The following RBFOX3 variants were observed in gnomAD, a reference collection of about 807,000 sequenced individuals.
The protein encoded by RBFOX3 is RNA binding fox-1 homolog 3.
RBFOX3 carries 17 observed loss-of-function variants against 48.7 expected under a neutral mutation model. The observed-to-expected ratio is 0.35, with a 90% CI of 0.24 to 0.52. RBFOX3 has a LOEUF of 0.52. Among genes scored for constraint, RBFOX3 ranks in the 20% least tolerant of loss-of-function variants. The probability of loss-of-function intolerance (pLI) is 0.94; values close to 1 mark genes in which losing one functional copy is unlikely to be tolerated. For missense variants in RBFOX3, 382 were observed against 497.5 expected, an observed-to-expected ratio of 0.77 and a Z score of 2.21; for synonymous variants, 212 against 209.5, an observed-to-expected ratio of 1.01 and a Z score of -0.10.
intron 4 of RBFOX3, among the ~76,000 whole-genome samples, chr17:79,179,808 T>C (rs947629887): frequency 6.6e-6 from 1 of 152,140 alleles, no homozygotes; most frequent in African/African-American, 2.4e-5. Flanking sequence ...CCCTGAAAGG[T>C]GACCAGTATC....
At chr17:79,160,289 G>A (rs1366341244) in intron 4 of RBFOX3, among the ~76,000 whole-genome samples, 1 of 152,248 alleles carries the variant, frequency 6.6e-6, no homozygotes, top group African/African-American at 2.4e-5. Context: ...GCACCCAAGG[G>A]GTGGACCTGG....
chr17:79,501,464 G>A (rs2149734776), intron 1 of RBFOX3, among the ~76,000 whole-genome samples: 1 of 152,352 alleles, frequency 6.6e-6, no homozygotes, highest in South Asian at 2.1e-4. Context: ...AGTCACTGGG[G>A]TTGGTGGGGG....
At chr17:79,353,663 C>T (rs1179682432) in intron 2 of RBFOX3, among the ~76,000 whole-genome samples, 1 of 152,210 alleles carries the variant, frequency 6.6e-6, no homozygotes, top group East Asian at 1.9e-4. Flanking sequence ...CGTGGCCTCT[C>T]CAGAAAGCTG....
upstream of RBFOX3, among the ~76,000 whole-genome samples, chr17:79,612,476 C>G (rs1488928379): frequency 6.6e-6 from 1 of 152,060 alleles, no homozygotes; most frequent in Non-Finnish European, 1.5e-5. Flanking sequence ...TGCTGGCTGC[C>G]CCCCCTGCAG....
intron 1 of RBFOX3, among the ~76,000 whole-genome samples, chr17:79,495,941 G>A (rs764472236): frequency 4.6e-5 from 7 of 152,108 alleles, no homozygotes; most frequent in African/African-American, 1.2e-4. Context: ...CAGTGGCAGC[G>A]TGGCAGATGG....
chr17:79,106,541 G>T, intron 6 of RBFOX3, 110 bp downstream of exon 6: 1 of 1,319,300 alleles, frequency 7.6e-7, no homozygotes, highest in Non-Finnish European at 9.8e-7. Flanking sequence ...CGCAGTGGGA[G>T]GCAGGAAACC....
intron 2 of RBFOX3, among the ~76,000 whole-genome samples, chr17:79,389,931 C>G (rs1248936157): frequency 6.6e-6 from 1 of 152,180 alleles, no homozygotes; most frequent in African/African-American, 2.4e-5. Context: ...GGCCTTGGAG[C>G]AACCAGAGCC....
At chr17:79,452,184 T>C (rs1432580149) in intron 2 of RBFOX3, among the ~76,000 whole-genome samples, 1 of 151,982 alleles carries the variant, frequency 6.6e-6, no homozygotes, top group Non-Finnish European at 1.5e-5. Flanking sequence ...GGCAGGAACA[T>C]GGGATGTTTG....
intron 3 of RBFOX3, among the ~76,000 whole-genome samples, chr17:79,295,513 G>C (rs572666104): frequency 8.5e-5 from 13 of 152,330 alleles, no homozygotes; most frequent in African/African-American, 2.9e-4. Context: ...GGGAAGGGCA[G>C]GGGCTTCCCA....
chr17:79,405,655 A>G (rs1221307577), intron 2 of RBFOX3, among the ~76,000 whole-genome samples: 1 of 152,210 alleles, frequency 6.6e-6, no homozygotes, highest in Non-Finnish European at 1.5e-5. Flanking sequence ...CAAGAGGCAG[A>G]GGTTGCAGTG....
intron 2 of RBFOX3, among the ~76,000 whole-genome samples, chr17:79,470,027 C>T (rs560456284): frequency 4.7e-4 from 71 of 152,224 alleles, no homozygotes; most frequent in African/African-American, 1.6e-3. Flanking sequence ...GGGTGAGGGT[C>T]GTAGGCACGT....
intron 2 of RBFOX3, among the ~76,000 whole-genome samples, chr17:79,447,663 T>C (rs2072607762): frequency 6.6e-6 from 1 of 152,194 alleles, no homozygotes; most frequent in African/African-American, 2.4e-5. Context: ...CTTTACCTTG[T>C]GGGGATTTTC....
chr17:79,506,397 A>G (rs2083126168), intron 1 of RBFOX3, among the ~76,000 whole-genome samples: 1 of 152,206 alleles, frequency 6.6e-6, no homozygotes, highest in Admixed American at 6.5e-5. Context: ...GGGGAAATTC[A>G]AGGCGATGCC....
intron 4 of RBFOX3, among the ~76,000 whole-genome samples, chr17:79,203,922 C>T (rs1599956839): frequency 6.6e-6 from 1 of 152,066 alleles, no homozygotes; most frequent in African/African-American, 2.4e-5. Flanking sequence ...GTCCAAGCAC[C>T]GTAGGAAAGA....
In RBFOX3 at chr17:79,481,108, CTG is replaced by C. The variant is rs2078712639; in HGVS notation, c.-175+1344_-175+1345del. On this transcript the variant is annotated intron_variant, in intron 2 of 14. Coordinates refer to ENST00000693108, the MANE Select transcript of RBFOX3 (RefSeq NM_001350451.2). This position sits in a 1 kb window ranked among gnomAD's most constrained non-coding sequence, Gnocchi z 5.4. ...GTGCACGCCTGGAGAAGCACCCAGA[CTG>C]TGCATAGAGACTTCCAATTCTGCAA... Among the ~76,000 whole-genome samples the C allele has an allele frequency of 6.6e-6, 1 of 152,218 alleles. No individual in the cohort carries two copies. The highest frequency in any genetic ancestry group is 2.4e-5 in the African/African-American group (1 of 41,460).
chr17:79,628,144 CCAAA>C, the RBFOX3 span, among the ~76,000 whole-genome samples: 4,942 of 152,110 alleles, frequency 0.032, 194 homozygotes, highest in African/African-American at 0.094. Context: ...ACCCCCAACT[CCAAA>C]CAAACAGGTG....
chr17:79,553,702 G>T, intron 1 of RBFOX3, among the ~76,000 whole-genome samples: 1 of 152,002 alleles, frequency 6.6e-6, no homozygotes, highest in South Asian at 2.1e-4. Context: ...TGTTCCTTGG[G>T]TTTTCTTGGG....
chr17:79,621,427 G>A, the RBFOX3 span, among the ~76,000 whole-genome samples: 8 of 150,840 alleles, frequency 5.3e-5, no homozygotes. Context: ...CCAGCGAGGG[G>A]GCCATCCTGA....
intron 4 of RBFOX3, among the ~76,000 whole-genome samples, chr17:79,148,057 G>GA (rs1257761359): frequency 6.6e-6 from 1 of 152,230 alleles, no homozygotes; most frequent in African/African-American, 2.4e-5. Flanking sequence ...TCTGGCCTGT[G>GA]ACCAAGATTT....
Sources: allele counts gnomAD v4.1 joint callset (sites outside exome capture counted in the v4.1 genomes callset), GRCh38; gene constraint gnomAD v4.1.1; non-coding constraint Gnocchi (gnomAD v3.1); transcripts MANE v1.5; gene names NCBI Gene and HGNC (gene_info 2026-07-23, HGNC 2026-07-21).